The following GRIN2A variants were observed in gnomAD, a reference collection of about 807,000 sequenced individuals.
GRIN2A encodes the protein glutamate ionotropic receptor NMDA type subunit 2A, also known as glutamate receptor ionotropic, NMDA 2A.
In GRIN2A, 22 loss-of-function variants were observed where a neutral mutation model predicts 113.4. The observed-to-expected ratio is 0.19, with a 90% CI of 0.14 to 0.28. GRIN2A has a LOEUF of 0.28. Among genes scored for constraint, GRIN2A ranks in the 10% least tolerant of loss-of-function variants. The probability of loss-of-function intolerance (pLI) is 1.00; values close to 1 mark genes in which losing one functional copy is unlikely to be tolerated. For missense variants in GRIN2A, 1,502 were observed against 1,887.0 expected (o/e 0.80, Z 3.78); for synonymous variants, 827 against 738.4 (o/e 1.12, Z -1.94).
At chr16:9,950,775 C>G (rs1037593858) in intron 2 of GRIN2A, among the ~76,000 whole-genome samples, 2 of 152,162 alleles carry the variant, frequency 1.3e-5, no homozygotes, top group Non-Finnish European at 2.9e-5. Flanking sequence ...GAGAAACTGG[C>G]TCAACCCCTT....
intron 8 of GRIN2A, among the ~76,000 whole-genome samples, chr16:9,832,248 AC>A (rs891989257): frequency 6.6e-6 from 1 of 151,704 alleles, no homozygotes; most frequent in Non-Finnish European, 1.5e-5. Flanking sequence ...GAGCCACTGC[AC>A]CCCCTCAGCC....
At chr16:9,795,518 T>G (rs543760287) in intron 11 of GRIN2A, among the ~76,000 whole-genome samples, 1 of 152,342 alleles carries the variant, frequency 6.6e-6, no homozygotes, top group South Asian at 2.1e-4. Context: ...TGCTTTGACT[T>G]TACTCCATGG....
chr16:10,180,197 A>G lies in GRIN2A; in HGVS notation c.215T>C (p.Leu72Pro). 1 of 1,614,196 alleles carries G rather than the reference A, an allele frequency of 6.2e-7. No individual in the cohort carries two copies. ...CTTGGGGTCGGTGCGGTTCATCAGC[A>G]GAGCTACCACGTTCACGTCCAGGGG... ...GLPLDVNVVA[L>P]LMNRTDPKSL... The change falls in exon 2 of 13, where the codon CTG becomes CCG. Residue 72 changes from leucine (L) to proline (P), a missense_variant. By Grantham distance (98) the Leu-to-Pro change is moderately conservative (BLOSUM62 -3). This residue lies in a region of GRIN2A where 149 missense variants were observed against 179.1 expected (regional missense o/e 0.83). Transcript: ENST00000330684. The surrounding 1 kb of genome is among the most constrained non-coding windows in gnomAD (Gnocchi z 7.0).
chr16:10,128,468 G>C (rs1364017998), intron 2 of GRIN2A, among the ~76,000 whole-genome samples: 4 of 152,166 alleles, frequency 2.6e-5, no homozygotes, highest in African/African-American at 7.2e-5. Flanking sequence ...CTGTAAAGAA[G>C]AGGCCATTAC....
At chr16:9,933,462 C>T (rs2044644847) in intron 3 of GRIN2A, among the ~76,000 whole-genome samples, 2 of 152,196 alleles carry the variant, frequency 1.3e-5, no homozygotes, top group African/African-American at 2.4e-5. Flanking sequence ...CAGTAACTCA[C>T]CACGAAGATA....
In GRIN2A at chr16:9,761,140, C is replaced by G. The variant is rs1307593453; in HGVS notation, c.*2009G>C. 1 of 232,632 alleles carries G rather than the reference C, an allele frequency of 4.3e-6. No individual in the cohort carries two copies. The highest frequency in any genetic ancestry group is 8.5e-6 in the Non-Finnish European group (1 of 117,716). The allele number at this position is 232,632 out of a possible 1,614,324, so 14.4% of individuals were successfully genotyped here. ...TCCCTCTGTCTCCCTATGATTGACC[C>G]TGAAATTTATTGCAACCACTTTTCA... On this transcript the variant is annotated 3_prime_UTR_variant, in exon 13 of 13. Coordinates refer to ENST00000330684, the MANE Select transcript of GRIN2A (RefSeq NM_001134407.3).
intron 9 of GRIN2A, among the ~76,000 whole-genome samples, chr16:9,825,086 G>A (rs2042361239): frequency 6.6e-6 from 1 of 152,276 alleles, no homozygotes; most frequent in East Asian, 1.9e-4. Context: ...AATATCTGGA[G>A]TCAGAGGAAC....
At chr16:10,048,765 C>CA (rs5815555) in intron 2 of GRIN2A, among the ~76,000 whole-genome samples, 116,321 of 152,070 alleles carry the variant, frequency 0.76, 44,759 homozygotes, top group East Asian at 1. Context: ...GCTGGTGCCA[C>CA]AGGGGCTCAA....
intron 4 of GRIN2A, among the ~76,000 whole-genome samples, chr16:9,863,403 T>C (rs2043106223): frequency 6.6e-6 from 1 of 152,076 alleles, no homozygotes; most frequent in Non-Finnish European, 1.5e-5. Context: ...TACAGTGTGC[T>C]TTTACTCATG....
intron 12 of GRIN2A, among the ~76,000 whole-genome samples, chr16:9,765,556 G>C (rs1283779395): frequency 6.6e-6 from 1 of 152,180 alleles, no homozygotes; most frequent in African/African-American, 2.4e-5. Context: ...CATACTCTTT[G>C]AGGGGGGGAT....
At chr16:10,128,593 C>G (rs1034952195) in intron 2 of GRIN2A, among the ~76,000 whole-genome samples, 6 of 152,350 alleles carry the variant, frequency 3.9e-5, no homozygotes, top group African/African-American at 1.4e-4. Context: ...GGGCAGCACC[C>G]TCCAGGCAAG....
intron 2 of GRIN2A, among the ~76,000 whole-genome samples, chr16:10,145,522 A>G (rs2049421865): frequency 6.6e-6 from 1 of 152,098 alleles, no homozygotes; most frequent in Non-Finnish European, 1.5e-5. Flanking sequence ...TTAAAAAAAA[A>G]AAATTGACCA....
chr16:10,165,255 G>T, intron 2 of GRIN2A, among the ~76,000 whole-genome samples: 1 of 151,998 alleles, frequency 6.6e-6, no homozygotes, highest in Middle Eastern at 3.4e-3. Flanking sequence ...AAAATGTTAA[G>T]CAAATTAAAA....
intron 2 of GRIN2A, among the ~76,000 whole-genome samples, chr16:10,175,250 C>T (rs185583304): frequency 8.5e-5 from 13 of 152,190 alleles, no homozygotes; most frequent in East Asian, 5.8e-4. Context: ...CATGAAGCAA[C>T]GCATGACTAT....
intron 2 of GRIN2A, among the ~76,000 whole-genome samples, chr16:9,943,450 G>A (rs1371169812): frequency 6.6e-6 from 1 of 152,136 alleles, no homozygotes; most frequent in Non-Finnish European, 1.5e-5. Context: ...GTTCCAGAAT[G>A]TTCCAGAGCT....
chr16:9,966,590 G>A (rs2045560409), intron 2 of GRIN2A, among the ~76,000 whole-genome samples: 1 of 152,154 alleles, frequency 6.6e-6, no homozygotes, highest in Non-Finnish European at 1.5e-5. Flanking sequence ...ACATACACAT[G>A]CCCGTGTCCT....
chr16:10,070,946 C>T (rs927035439), intron 2 of GRIN2A, among the ~76,000 whole-genome samples: 2 of 152,178 alleles, frequency 1.3e-5, no homozygotes, highest in Non-Finnish European at 2.9e-5. Context: ...GTTGAGAGAG[C>T]AGTCAGATTA....
intron 4 of GRIN2A, among the ~76,000 whole-genome samples, chr16:9,860,433 G>A (rs1269650041): frequency 4.3e-5 from 5 of 115,756 alleles, no homozygotes; most frequent in Non-Finnish European, 8.1e-5. Context: ...GGGTGACAGA[G>A]CAAGAGTCTC....
intron 2 of GRIN2A, among the ~76,000 whole-genome samples, chr16:9,977,816 T>C (rs1007758588): frequency 7.2e-5 from 11 of 152,152 alleles, no homozygotes; most frequent in African/African-American, 2.4e-4. Flanking sequence ...GGTGAGTAAA[T>C]ACCTCTCTTA....
Sources: gnomAD v4.1 joint callset for allele counts (sites outside exome capture counted in the v4.1 genomes callset) on GRCh38, gnomAD v4.1.1 for gene constraint, gnomAD v4.1.1 regional missense constraint, Gnocchi (gnomAD v3.1) non-coding constraint, MANE v1.5 for transcripts, NCBI Gene and HGNC (gene_info 2026-07-23, HGNC 2026-07-21) for gene names.